VTA1: variants seen among roughly 807,000 people sequenced by gnomAD.
VTA1 encodes vesicle trafficking 1.
Under a neutral mutation model 36.9 loss-of-function variants are expected in VTA1, and 24 were observed. The ratio of observed to expected loss-of-function variants is 0.65; its 90% CI spans 0.47 to 0.91. The LOEUF (loss-of-function observed/expected upper bound fraction) is 0.91, where lower values mean the gene tolerates loss of function less well. Among genes scored for constraint, VTA1 ranks in the 40% least tolerant of loss-of-function variants. VTA1 has a pLI of 0.00. For synonymous variants in VTA1, 142 were observed against 130.2 expected (o/e 1.09, Z -0.62); for missense variants, 393 against 377.2 (o/e 1.04, Z -0.35).
At chr6:142,185,201 C>T (rs964474887) in intron 4 of VTA1, among the ~76,000 whole-genome samples, 9 of 152,094 alleles carry the variant, frequency 5.9e-5, no homozygotes, top group African/African-American at 2.2e-4. Flanking sequence ...AGGTTTAATA[C>T]TTCCTACTAA....
At chr6:142,198,115 A>ATGTGTGTGTGTGTGTGTG (rs1259650162) in intron 5 of VTA1, among the ~76,000 whole-genome samples, 2 of 76,492 alleles carry the variant, frequency 2.6e-5, no homozygotes, top group African/African-American at 8.1e-5. Flanking sequence ...ATATATATAT[A>ATGTGTGTGTGTGTGTGTG]TATATGTGTG....
intron 1 of VTA1, among the ~76,000 whole-genome samples, chr6:142,154,939 A>G (rs1309714897): frequency 6.6e-6 from 1 of 152,060 alleles, no homozygotes; most frequent in Non-Finnish European, 1.5e-5. Flanking sequence ...TAAAAACGCA[A>G]GCAGATTTAC....
intron 6 of VTA1, among the ~76,000 whole-genome samples, chr6:142,203,278 C>T (rs1434856768): frequency 1.3e-5 from 2 of 152,100 alleles, no homozygotes; most frequent in Non-Finnish European, 1.5e-5. Context: ...GTTTGGCAAA[C>T]AGTCCATCTT....
At chr6:142,186,959 A>T (rs921792554) in intron 4 of VTA1, among the ~76,000 whole-genome samples, 2 of 152,120 alleles carry the variant, frequency 1.3e-5, no homozygotes, top group African/African-American at 2.4e-5. Context: ...GAGGAGAGGG[A>T]GAATGAATGA....
chr6:142,147,295 C>A lies in VTA1; in HGVS notation c.8C>A (p.Ala3Glu). Residue 3 changes from alanine (A) to glutamate (E), a missense_variant, in exon 1 of 8, where the codon GCG becomes GAG. Physicochemically the swap from Ala to Glu is moderately radical, Grantham distance 107. Transcript: ENST00000367630. MA[A>E]LAPLPPLPAQ... ...GGTGAGTTCGGAGTAGAGATGGCCG[C>A]GCTTGCACCGCTGCCCCCGCTCCCC... 3 of 1,614,176 alleles carry A rather than the reference C, an allele frequency of 1.9e-6. No individual in the cohort carries two copies. Among genetic ancestry groups the A allele is most frequent in the Non-Finnish European group, 1.7e-6 (2 of 1,180,020 alleles).
rs775794999 is a variant in VTA1, at chr6:142,218,474, T to C, written c.779-24T>C. 5.6e-6 allele frequency: 9 copies of C among 1,609,688 alleles called. No homozygotes were observed. The South Asian group carries it at 1.0e-4, about 18-fold the overall frequency. On this transcript the variant is annotated intron_variant, in intron 7 of 7. Transcript: ENST00000367630. ...AACACTTTTTATATTCTTATAAATA[T>C]CCCAATTGTTCTTTTTCTTCTAGGG... is the stretch of plus-strand genomic sequence containing the variant.
At chr6:142,189,005 T>A (rs559539085) in intron 4 of VTA1, among the ~76,000 whole-genome samples, 14 of 152,322 alleles carry the variant, frequency 9.2e-5, no homozygotes, top group Admixed American at 9.1e-4. Context: ...TAATTTTCTT[T>A]TTATTTTTTT....
intron 4 of VTA1, among the ~76,000 whole-genome samples, chr6:142,172,484 TG>T (rs1775046437): frequency 6.6e-6 from 1 of 152,220 alleles, no homozygotes; most frequent in African/African-American, 2.4e-5. Context: ...TTAGAGCCAC[TG>T]CTCTCAGATA....
At chr6:142,196,945 C>T (rs1156505657) in intron 5 of VTA1, among the ~76,000 whole-genome samples, 1 of 152,086 alleles carries the variant, frequency 6.6e-6, no homozygotes, top group Non-Finnish European at 1.5e-5. Context: ...CCTGAGTGTG[C>T]ATAATTCAGG....
chr6:142,202,663 T>G (rs1414838223), intron 6 of VTA1, among the ~76,000 whole-genome samples: 1 of 151,962 alleles, frequency 6.6e-6, no homozygotes, highest in Non-Finnish European at 1.5e-5. Flanking sequence ...GTACACAAAT[T>G]TCTTAGCAGA....
At chr6:142,173,199 TAGACAAACCCTTCAGGTA>T (rs1775059401) in intron 4 of VTA1, among the ~76,000 whole-genome samples, 1 of 152,216 alleles carries the variant, frequency 6.6e-6, no homozygotes, top group Non-Finnish European at 1.5e-5. Context: ...GTTATAAGAT[TAGACAAACCCTTCAGGTA>T]AGTGGATTGT....
At chr6:142,158,535 G>T (rs1778708726) in intron 1 of VTA1, among the ~76,000 whole-genome samples, 2 of 152,144 alleles carry the variant, frequency 1.3e-5, no homozygotes, top group South Asian at 4.1e-4. Flanking sequence ...TTCCAGTTCA[G>T]TGGGATCTTA....
At chr6:142,176,847 C>A (rs1287809838) in intron 4 of VTA1, among the ~76,000 whole-genome samples, 1 of 152,040 alleles carries the variant, frequency 6.6e-6, no homozygotes, top group African/African-American at 2.4e-5. Flanking sequence ...AGATCTAGAT[C>A]TTTTTTGGAT....
chr6:142,152,671 T>C (rs1778589730), intron 1 of VTA1, among the ~76,000 whole-genome samples: 1 of 152,180 alleles, frequency 6.6e-6, no homozygotes, highest in Non-Finnish European at 1.5e-5. Context: ...GATACAACTT[T>C]TAGATGTCAA....
At chr6:142,157,070 A>G (rs1225869450) in intron 1 of VTA1, among the ~76,000 whole-genome samples, 1 of 152,248 alleles carries the variant, frequency 6.6e-6, no homozygotes, top group Non-Finnish European at 1.5e-5. Flanking sequence ...AGGCTGAGGC[A>G]GAAGAATCGC....
At chr6:142,176,706 A>G (rs367727446) in intron 4 of VTA1, among the ~76,000 whole-genome samples, 1 of 152,166 alleles carries the variant, frequency 6.6e-6, no homozygotes, top group South Asian at 2.1e-4. Context: ...AGGCATACAG[A>G]TAGATATACA....
chr6:142,178,314 CA>C (rs1387001259), intron 4 of VTA1, among the ~76,000 whole-genome samples: 3 of 151,844 alleles, frequency 2.0e-5, no homozygotes, highest in African/African-American at 7.3e-5. Flanking sequence ...AAAAATAAAA[CA>C]AATGAACAAA....
In VTA1 at chr6:142,180,308, G is replaced by T. The variant is rs1775203653; in HGVS notation, c.412-9118G>T. ...AGGACCCAGAAGCCGACTTGAAAGG[G>T]TTCCCATTGTCCAAGCCAGGGACAG... On this transcript the variant is annotated intron_variant, in intron 4 of 7. Coordinates refer to ENST00000367630, the MANE Select transcript of VTA1 (RefSeq NM_016485.5). 2.0e-5 allele frequency among the ~76,000 whole-genome samples: 3 copies of T among 152,146 alleles called. No homozygotes were observed. In the South Asian group the frequency reaches 6.2e-4, roughly 32 times the overall value.
At chr6:142,181,078 GA>G (rs1162412059) in intron 4 of VTA1, among the ~76,000 whole-genome samples, 1,005 of 51,278 alleles carry the variant, frequency 0.02, 18 homozygotes, top group African/African-American at 0.022. Flanking sequence ...AAATGGTACA[GA>G]AAAAAAAAAA....
Sources: allele counts gnomAD v4.1 joint callset (sites outside exome capture counted in the v4.1 genomes callset), GRCh38; gene constraint gnomAD v4.1.1; transcripts MANE v1.5; gene names NCBI Gene and HGNC (gene_info 2026-07-23, HGNC 2026-07-21).